Variants in RBFOX1 observed in about 807,000 individuals in gnomAD.
RBFOX1 encodes the protein RNA binding protein fox-1 homolog 1.
Under a neutral mutation model 57.7 loss-of-function variants are expected in RBFOX1, and 8 were observed. The observed-to-expected ratio is 0.14, with a 90% CI of 0.08 to 0.25. RBFOX1 has a LOEUF of 0.25. Ranked by LOEUF, RBFOX1 falls within the 10% of genes least tolerant of loss-of-function variation. RBFOX1 has a pLI of 1.00. For synonymous variants in RBFOX1, 326 were observed against 222.4 expected, an observed-to-expected ratio of 1.47 and a Z score of -4.15; for missense variants, 611 against 548.5, an observed-to-expected ratio of 1.11 and a Z score of -1.14.
chr16:5,340,581 A>C (rs577434295), intron 1 of RBFOX1, among the ~76,000 whole-genome samples: 1 of 152,298 alleles, frequency 6.6e-6, no homozygotes, highest in East Asian at 1.9e-4. Context: ...TTTGGATGGA[A>C]CTGAGCTTAG....
chr16:7,108,760 C>G (rs1403283390), intron 4 of RBFOX1, among the ~76,000 whole-genome samples: 2 of 152,212 alleles, frequency 1.3e-5, no homozygotes, highest in East Asian at 3.8e-4. Flanking sequence ...GATACACTCA[C>G]CCCTGTGCTC....
intron 2 of RBFOX1, among the ~76,000 whole-genome samples, chr16:6,349,711 C>T (rs1033873062): frequency 3.3e-5 from 5 of 152,138 alleles, no homozygotes; most frequent in African/African-American, 1.2e-4. Context: ...AAAATCATGG[C>T]ATTTCCCATG....
At chr16:5,524,867 T>G (rs1200604161) in intron 2 of RBFOX1, among the ~76,000 whole-genome samples, 1 of 152,104 alleles carries the variant, frequency 6.6e-6, no homozygotes, top group Admixed American at 6.5e-5. Context: ...ATTTAAACGC[T>G]TGTGCTACTT....
chr16:6,495,116 G>A lies in RBFOX1; in HGVS notation c.-63-159487G>A, dbSNP rs138700659. Among the ~76,000 whole-genome samples, 1,300 of 152,048 alleles carry A rather than the reference G, an allele frequency of 8.5e-3. 20 individuals are homozygous for A. Among genetic ancestry groups the A allele is most frequent in the African/African-American group, 0.03 (1,225 of 41,456 alleles). Reference sequence around the variant, plus strand: ...TCAATGTCCCCGCTTTCTTTTGTTTGTTTATTTATTTATTTATTTTGAGAT... The same window carrying A: ...TCAATGTCCCCGCTTTCTTTTGTTTATTTATTTATTTATTTATTTTGAGAT... On this transcript the variant is annotated intron_variant, in intron 2 of 15. Transcript: ENST00000550418.
At chr16:5,545,595 T>G (rs2151070482) in intron 2 of RBFOX1, among the ~76,000 whole-genome samples, 1 of 152,098 alleles carries the variant, frequency 6.6e-6, no homozygotes, top group East Asian at 1.9e-4. Context: ...AAATAAAAAG[T>G]GAGAGACACA....
chr16:7,001,386 GTGTATGTGTATTTGTATA>G (rs1490771445), intron 3 of RBFOX1, among the ~76,000 whole-genome samples: 27 of 121,512 alleles, frequency 2.2e-4, no homozygotes, highest in African/African-American at 1.1e-3. Context: ...GTATGTGTAT[GTGTATGTGTATTTGTATA>G]TGTATATGTA....
intron 3 of RBFOX1, among the ~76,000 whole-genome samples, chr16:6,735,360 A>G (rs1306237343): frequency 1.3e-5 from 2 of 152,200 alleles, no homozygotes; most frequent in African/African-American, 2.4e-5. Context: ...TCAGCTAGGG[A>G]GCTTGTACCT....
chr16:7,697,168 G>A (rs973988259), intron 14 of RBFOX1, among the ~76,000 whole-genome samples: 1 of 152,164 alleles, frequency 6.6e-6, no homozygotes, highest in East Asian at 1.9e-4. Context: ...GCAATGGGGG[G>A]GCCCTTACAG....
intron 3 of RBFOX1, among the ~76,000 whole-genome samples, chr16:6,951,507 A>T (rs773304470): frequency 6.6e-6 from 1 of 152,114 alleles, no homozygotes; most frequent in Non-Finnish European, 1.5e-5. Context: ...TTTTACTCAT[A>T]AGTCTGGCCT....
chr16:6,307,007 G>A (rs1182635070), intron 1 of RBFOX1, among the ~76,000 whole-genome samples: 1 of 152,096 alleles, frequency 6.6e-6, no homozygotes, highest in African/African-American at 2.4e-5. Context: ...AGTCAAACTA[G>A]ACAACATCTC....
intron 3 of RBFOX1, among the ~76,000 whole-genome samples, chr16:6,919,044 G>C (rs556348202): frequency 2.6e-5 from 4 of 152,274 alleles, no homozygotes; most frequent in East Asian, 3.9e-4. Flanking sequence ...GCACAGGTAG[G>C]ATCTCAGCTC....
At chr16:6,215,802 A>G (rs1366670714) in intron 1 of RBFOX1, among the ~76,000 whole-genome samples, 2 of 152,116 alleles carry the variant, frequency 1.3e-5, no homozygotes, top group African/African-American at 4.8e-5. Context: ...TCTTACATGG[A>G]GAAAGGACTG....
In RBFOX1 at chr16:5,761,547, A is replaced by G. The variant is rs547266212; in HGVS notation, c.319-105756A>G. Among the ~76,000 whole-genome samples the G allele has an allele frequency of 1.1e-3, 161 of 152,300 alleles. 2 individuals carry two copies. The highest frequency in any genetic ancestry group is 3.6e-3 in the African/African-American group (151 of 41,566). ...AAGGAAGAGGAAAGTCATGTCTTAC[A>G]TGGCAGCAGGTAGGAGAGCTTGTGT... On this transcript the variant is annotated intron_variant, in intron 3 of 19. Coordinates refer to the RBFOX1 transcript ENST00000641259.
intron 3 of RBFOX1, among the ~76,000 whole-genome samples, chr16:5,848,647 A>G (rs550339893): frequency 6.6e-6 from 1 of 152,344 alleles, no homozygotes; most frequent in African/African-American, 2.4e-5. Context: ...AGTTAAAAAC[A>G]AGAGCATAAA....
At chr16:6,687,252 A>T (rs1479411928) in intron 3 of RBFOX1, among the ~76,000 whole-genome samples, 2 of 152,174 alleles carry the variant, frequency 1.3e-5, no homozygotes, top group African/African-American at 2.4e-5. Flanking sequence ...GCAGAGGCAC[A>T]CAGAGTGATA....
chr16:6,458,583 G>A lies in RBFOX1; in HGVS notation c.-64+141526G>A, dbSNP rs1466785629. On this transcript the variant is annotated intron_variant, in intron 2 of 15. Coordinates refer to ENST00000550418, the MANE Select transcript of RBFOX1 (RefSeq NM_018723.4). Reference sequence around the variant, plus strand: ...AGGCATCAACCATTGGTGTTTCAGAGCAAGAGAATAACTGACATCCAGTAT... The same window carrying A: ...AGGCATCAACCATTGGTGTTTCAGAACAAGAGAATAACTGACATCCAGTAT... 2.6e-5 allele frequency among the ~76,000 whole-genome samples: 4 copies of A among 152,320 alleles called. No homozygotes were observed. The East Asian group carries it at 7.7e-4, about 29-fold the overall frequency.
intron 5 of RBFOX1, among the ~76,000 whole-genome samples, chr16:7,529,759 A>C (rs1050618395): frequency 4.6e-5 from 7 of 152,124 alleles, no homozygotes; most frequent in Non-Finnish European, 1.5e-5. Flanking sequence ...ATGTAATCCC[A>C]GCACTTTGGG....
At chr16:6,983,190 G>A (rs1054629771) in intron 3 of RBFOX1, among the ~76,000 whole-genome samples, 1 of 151,876 alleles carries the variant, frequency 6.6e-6, no homozygotes, top group Non-Finnish European at 1.5e-5. Context: ...CCTTTCCTTG[G>A]GTAGTACTCA....
chr16:7,644,367 T>C lies in RBFOX1; in HGVS notation c.758-9448T>C, dbSNP rs527799030. Reference sequence around the variant, plus strand: ...ATGCAATTGAATTTTCTCCACCTGATAATGGAGCCTCAGAGGTTGGAATTT... The same window carrying C: ...ATGCAATTGAATTTTCTCCACCTGACAATGGAGCCTCAGAGGTTGGAATTT... On this transcript the variant is annotated intron_variant, in intron 11 of 15. Coordinates refer to ENST00000550418, the MANE Select transcript of RBFOX1 (RefSeq NM_018723.4). 4.6e-5 allele frequency among the ~76,000 whole-genome samples: 7 copies of C among 152,318 alleles called. 1 individual carries two copies. The highest frequency in any genetic ancestry group is 4.1e-4 in the South Asian group (2 of 4,834).
Sources: allele counts gnomAD v4.1 joint callset (sites outside exome capture counted in the v4.1 genomes callset), GRCh38; gene constraint gnomAD v4.1.1; transcripts MANE v1.5; gene names NCBI Gene and HGNC (gene_info 2026-07-23, HGNC 2026-07-21).